The following ETNPPL variants were observed in gnomAD, a reference collection of about 807,000 sequenced individuals.
ETNPPL encodes the protein alanine--glyoxylate aminotransferase 2-like 1.
A neutral mutation model predicts 55.5 loss-of-function variants in ETNPPL; 30 were observed. The ratio of observed to expected loss-of-function variants is 0.54; its 90% CI spans 0.40 to 0.73. ETNPPL has a LOEUF of 0.73. ETNPPL is among the 30% of genes least tolerant of loss of function. The pLI is 0.00. For synonymous variants in ETNPPL, 202 were observed against 207.2 expected, an observed-to-expected ratio of 0.98 and a Z score of 0.21; for missense variants, 528 against 607.9, an observed-to-expected ratio of 0.87 and a Z score of 1.38.
intron 1 of ETNPPL, chr4:108,762,368 CAAGAAGAAA>C: frequency 2.1e-6 from 1 of 471,896 alleles, no homozygotes; most frequent in South Asian, 1.5e-5. Flanking sequence ...ACCAAGCATG[CAAGAAGAAA>C]AAGCTCACTT....
chr4:108,751,064 A>T (rs1578384696), intron 6 of ETNPPL, 46 bp from the exon 7 acceptor site: 1 of 1,347,890 alleles, frequency 7.4e-7, no homozygotes, highest in South Asian at 1.2e-5. Context: ...TCCCCCTACA[A>T]CCCCCCTAAA....
At chr4:108,762,743 T>A (rs1039085884) in intron 1 of ETNPPL, 100 bp downstream of exon 1, 21 of 1,399,862 alleles carry the variant, frequency 1.5e-5, no homozygotes, top group Non-Finnish European at 2.0e-5. Context: ...GGAGTGCGGC[T>A]GCAGCGCATC....
rs557506282 is a variant in ETNPPL, at chr4:108,750,790, C to T, written c.701+146G>A. On this transcript the variant is annotated intron_variant, in intron 7 of 12. Transcript: ENST00000296486. ...ATCTTGGGGAAGGCTGAGAGAGCAT[C>T]CAGGAGTCCTGGGTTGGCAGGCACT... 8.4e-5 allele frequency: 53 copies of T among 634,232 alleles called. No homozygotes were observed. In the East Asian group the frequency reaches 1.5e-3, roughly 18 times the overall value. 39.3% of individuals were successfully genotyped at this position (634,232 alleles called of 1,614,324 possible).
At chr4:108,759,704 A>G (rs945101891) in intron 3 of ETNPPL, 45 bp downstream of exon 3, 1 of 1,593,794 alleles carries the variant, frequency 6.3e-7, no homozygotes, top group African/African-American at 1.3e-5. Flanking sequence ...AAGAGTAGAC[A>G]AAGTTTAGTG....
chr4:108,757,614 A>G (rs1182037715), intron 3 of ETNPPL, among the ~76,000 whole-genome samples: 2 of 152,188 alleles, frequency 1.3e-5, no homozygotes, highest in Non-Finnish European at 2.9e-5. Context: ...CTCTAAAAAT[A>G]ATAAAGTAAT....
rs1358028964 is a variant in ETNPPL at position 108,743,835 on chromosome 4, G to T, written c.1325C>A (p.Thr442Asn). 1 of 1,610,236 alleles carries T rather than the reference G, an allele frequency of 6.2e-7. No homozygotes were observed. Among genetic ancestry groups the T allele is most frequent in the Admixed American group, 1.7e-5 (1 of 59,968 alleles). ...CTCAGAGGTCACACTTTCGGTTTTGGTTCCCATAGCTTCTTCTAAAACTGA... is the reference window on the plus strand; with the variant it reads ...CTCAGAGGTCACACTTTCGGTTTTGTTTCCCATAGCTTCTTCTAAAACTGA... ...ILTVLEEAMG[T>N]KTESVTSENT... The change falls in exon 12 of 13, where the codon ACC (threonine) becomes AAC (asparagine). Residue 442 changes from threonine (T) to asparagine (N), a missense_variant. By Grantham distance (65) the Thr-to-Asn change is moderately conservative (BLOSUM62 0). Coordinates refer to ENST00000296486, the MANE Select transcript of ETNPPL (RefSeq NM_031279.4).
intron 5 of ETNPPL, among the ~76,000 whole-genome samples, chr4:108,753,735 C>A (rs1185887262): frequency 1.7e-5 from 1 of 59,400 alleles, no homozygotes; most frequent in African/African-American, 5.2e-5. Context: ...AAATGAGACT[C>A]CGTCTCAAAT....
chr4:108,752,950 G>C lies in ETNPPL; in HGVS notation c.563C>G (p.Ala188Gly), dbSNP rs1411833594. 4.3e-6 allele frequency: 7 copies of C among 1,612,824 alleles called. No homozygotes were observed. Among genetic ancestry groups the C allele is most frequent in the Non-Finnish European group, 5.9e-6 (7 of 1,179,362 alleles). ...YREDHADSAS[A>G]YADEVKKIIE... Reference sequence around the variant, plus strand: ...GATTTTCTTCACTTCATCTGCATAAGCACTGGCTGAGTCTGCATGGTCTTC... The same window carrying C: ...GATTTTCTTCACTTCATCTGCATAACCACTGGCTGAGTCTGCATGGTCTTC... Residue 188 changes from alanine (A) to glycine (G), a missense_variant, in exon 6 of 13, where the codon GCT (alanine) becomes GGT (glycine). Physicochemically the swap from Ala to Gly is moderately conservative, Grantham distance 60. Transcript: ENST00000296486.
intron 4 of ETNPPL, among the ~76,000 whole-genome samples, chr4:108,755,731 G>A (rs1729165613): frequency 6.6e-6 from 1 of 152,252 alleles, no homozygotes; most frequent in African/African-American, 2.4e-5. Context: ...TGAGGCAGGA[G>A]AATTGCTTGA....
At chr4:108,754,430 T>C (rs1729101803) in intron 5 of ETNPPL, among the ~76,000 whole-genome samples, 190 bp downstream of exon 5, 1 of 152,240 alleles carries the variant, frequency 6.6e-6, no homozygotes, top group Non-Finnish European at 1.5e-5. Flanking sequence ...CTCATCAATG[T>C]ATTTTAAATA....
intron 5 of ETNPPL, among the ~76,000 whole-genome samples, chr4:108,753,781 AAAG>A (rs1302881011): frequency 0.054 from 7,109 of 131,448 alleles, 666 homozygotes; most frequent in African/African-American, 0.18. Context: ...AGAAAGAAAG[AAAG>A]AAAGAAAGAA....
chr4:108,756,686 C>T (rs972908759), intron 3 of ETNPPL, among the ~76,000 whole-genome samples, 194 bp from the exon 4 acceptor site: 14 of 149,376 alleles, frequency 9.4e-5, no homozygotes, highest in Non-Finnish European at 2.1e-4. Context: ...ATTAGCCAGG[C>T]GCAGCAGCGT....
intron 7 of ETNPPL, among the ~76,000 whole-genome samples, chr4:108,750,707 C>T (rs1454558407): frequency 1.3e-5 from 2 of 149,504 alleles, no homozygotes; most frequent in Non-Finnish European, 2.9e-5. Flanking sequence ...AGGCTGGAGG[C>T]TGGAGCAGAG....
chr4:108,761,969 G>A (rs186169138), intron 1 of ETNPPL, among the ~76,000 whole-genome samples: 6 of 152,246 alleles, frequency 3.9e-5, no homozygotes, highest in Admixed American at 3.9e-4. Flanking sequence ...TATTGCAGAC[G>A]GTTGACTTTA....
At chr4:108,749,580 T>A in intron 7 of ETNPPL, 117 bp from the exon 8 acceptor site, 1 of 707,588 alleles carries the variant, frequency 1.4e-6, no homozygotes. Flanking sequence ...AGCCTTAATT[T>A]TTCTTAAAAA....
At chr4:108,751,490 C>T (rs1373010011) in intron 6 of ETNPPL, among the ~76,000 whole-genome samples, 1 of 152,188 alleles carries the variant, frequency 6.6e-6, no homozygotes, top group Non-Finnish European at 1.5e-5. Context: ...ACTGTAGTTA[C>T]TGTGCCGTAT....
chr4:108,755,046 A>G (rs1729131905), intron 4 of ETNPPL, among the ~76,000 whole-genome samples: 1 of 152,248 alleles, frequency 6.6e-6, no homozygotes, highest in Admixed American at 6.5e-5. Flanking sequence ...ATCCTCATGC[A>G]ATACTTTACG....
chr4:108,753,480 G>T (rs777881602), intron 5 of ETNPPL, among the ~76,000 whole-genome samples: 2 of 152,098 alleles, frequency 1.3e-5, no homozygotes, highest in Non-Finnish European at 2.9e-5. Context: ...GGTGGCTCAC[G>T]TCTGTAATCC....
intron 2 of ETNPPL, 44 bp downstream of exon 2, chr4:108,760,144 C>T (rs777827419): frequency 7.3e-7 from 1 of 1,370,626 alleles, no homozygotes; most frequent in East Asian, 2.3e-5. Flanking sequence ...CAGCTTTACT[C>T]CATGAACATT....
Sources: gnomAD v4.1 joint callset for allele counts (sites outside exome capture counted in the v4.1 genomes callset) on GRCh38, gnomAD v4.1.1 for gene constraint, MANE v1.5 for transcripts, NCBI Gene and HGNC (gene_info 2026-07-23, HGNC 2026-07-21) for gene names.